The following FARS2 variants were observed in gnomAD, a reference collection of about 807,000 sequenced individuals.
FARS2 encodes the protein phenylalanyl-tRNA synthetase 2, mitochondrial.
FARS2 carries 40 observed loss-of-function variants against 46.4 expected under a neutral mutation model. That is an observed-to-expected ratio of 0.86 (90% CI 0.67 to 1.12). FARS2 has a LOEUF of 1.12. FARS2 is among the 50% of genes most tolerant of loss of function. The pLI, the probability that FARS2 is intolerant of heterozygous loss-of-function variation, is 0.00. For synonymous variants in FARS2, 234 were observed against 214.9 expected (o/e 1.09, Z -0.78); for missense variants, 513 against 567.9 (o/e 0.90, Z 0.98).
chr6:5,629,019 G>T (rs1347188607), intron 6 of FARS2, among the ~76,000 whole-genome samples: 1 of 152,180 alleles, frequency 6.6e-6, no homozygotes, highest in African/African-American at 2.4e-5. Context: ...GACCATTTCA[G>T]TATGAACTGA....
At chr6:5,612,811 G>A (rs887856586) in intron 5 of FARS2, among the ~76,000 whole-genome samples, 1 of 152,090 alleles carries the variant, frequency 6.6e-6, no homozygotes, top group Non-Finnish European at 1.5e-5. Context: ...ATCACAAGAA[G>A]TTAATGAATT....
At chr6:5,558,596 G>T (rs750557969) in intron 5 of FARS2, among the ~76,000 whole-genome samples, 1 of 151,982 alleles carries the variant, frequency 6.6e-6, no homozygotes, top group Non-Finnish European at 1.5e-5. Context: ...GAGTGCAGTG[G>T]CATGATCTCG....
In FARS2 at chr6:5,510,411, G is replaced by A. The variant is rs966140701; in HGVS notation, c.905-34769G>A. Among the ~76,000 whole-genome samples the A allele has an allele frequency of 3.3e-5, 5 of 149,720 alleles. No homozygotes were observed. In the South Asian group the frequency reaches 1.1e-3, roughly 32 times the overall value. ...ACCCCAACAGAACTGCGGAGCTGAAGCAGCCTCTCCCCTTCAGACCTCAGA... is the reference window on the plus strand; with the variant it reads ...ACCCCAACAGAACTGCGGAGCTGAAACAGCCTCTCCCCTTCAGACCTCAGA... On this transcript the variant is annotated intron_variant, in intron 4 of 6. Coordinates refer to ENST00000274680, the MANE Select transcript of FARS2 (RefSeq NM_006567.5).
At chr6:5,759,171 A>T (rs1435297480) in intron 6 of FARS2, among the ~76,000 whole-genome samples, 1 of 152,124 alleles carries the variant, frequency 6.6e-6, no homozygotes, top group African/African-American at 2.4e-5. Flanking sequence ...CAGGGCCTTG[A>T]TATGTGCCAT....
chr6:5,489,263 G>T (rs1353897370), intron 4 of FARS2, among the ~76,000 whole-genome samples: 1 of 152,050 alleles, frequency 6.6e-6, no homozygotes, highest in Non-Finnish European at 1.5e-5. Flanking sequence ...AGACTAGCAT[G>T]GCCAACATAG....
upstream of FARS2, among the ~76,000 whole-genome samples, chr6:5,258,474 G>A (rs775504953): frequency 1.3e-5 from 2 of 152,200 alleles, no homozygotes; most frequent in African/African-American, 2.4e-5. Context: ...ACATAAGATA[G>A]CAGTGGCACA....
chr6:5,695,450 TA>T (rs1440936463), intron 6 of FARS2, among the ~76,000 whole-genome samples: 1 of 152,262 alleles, frequency 6.6e-6, no homozygotes, highest in Non-Finnish European at 1.5e-5. Flanking sequence ...TGATGGTGTT[TA>T]AAATCTCAGG....
intron 6 of FARS2, among the ~76,000 whole-genome samples, chr6:5,691,705 C>G (rs1295388245): frequency 6.6e-6 from 1 of 152,224 alleles, no homozygotes; most frequent in African/African-American, 2.4e-5. Context: ...AACCACTGCT[C>G]TCTTCAAAGC....
chr6:5,390,049 A>G (rs1260956757), intron 2 of FARS2, among the ~76,000 whole-genome samples: 1 of 152,068 alleles, frequency 6.6e-6, no homozygotes, highest in Non-Finnish European at 1.5e-5. Flanking sequence ...TTTTTAGTGG[A>G]GATGGGGTTT....
At chr6:5,698,746 G>A (rs1758249120) in intron 6 of FARS2, among the ~76,000 whole-genome samples, 1 of 152,132 alleles carries the variant, frequency 6.6e-6, no homozygotes, top group Non-Finnish European at 1.5e-5. Flanking sequence ...AGTCAGGATC[G>A]CCCAGGCTTG....
intron 6 of FARS2, among the ~76,000 whole-genome samples, chr6:5,696,508 G>A (rs1758112815): frequency 6.6e-6 from 1 of 152,010 alleles, no homozygotes; most frequent in Non-Finnish European, 1.5e-5. Flanking sequence ...CAATAGGTAT[G>A]GCCCCTCAAG....
intron 2 of FARS2, among the ~76,000 whole-genome samples, chr6:5,395,095 G>A (rs1379772751): frequency 6.6e-6 from 1 of 152,176 alleles, no homozygotes; most frequent in Non-Finnish European, 1.5e-5. Flanking sequence ...CTGTCACCCA[G>A]GCTGGAGTGC....
chr6:5,383,284 TATAAGA>T (rs1468848269), intron 2 of FARS2, among the ~76,000 whole-genome samples: 1 of 152,210 alleles, frequency 6.6e-6, no homozygotes, highest in East Asian at 1.9e-4. Flanking sequence ...TACATAAAAG[TATAAGA>T]ATAAGGAATT....
At chr6:5,535,250 TG>T (rs1277948047) in intron 4 of FARS2, among the ~76,000 whole-genome samples, 1 of 152,248 alleles carries the variant, frequency 6.6e-6, no homozygotes, top group African/African-American at 2.4e-5. Context: ...ACTTTATTTT[TG>T]ATGCTTTTGT....
At chr6:5,609,728 T>C (rs1342315621) in intron 5 of FARS2, 13 of 1,505,040 alleles carry the variant, frequency 8.6e-6, no homozygotes, top group East Asian at 4.5e-5. Context: ...GTCATGGTCG[T>C]CAAAAGTTAC....
intron 3 of FARS2, 52 bp from the exon 4 acceptor site, chr6:5,430,989 A>G (rs924197691): frequency 6.4e-7 from 1 of 1,574,000 alleles, no homozygotes; most frequent in African/African-American, 1.3e-5. Flanking sequence ...ATCACAAGAA[A>G]GGGCAGACAG....
At chr6:5,369,977 A>G (rs547791660) in intron 2 of FARS2, among the ~76,000 whole-genome samples, 15 of 152,034 alleles carry the variant, frequency 9.9e-5, no homozygotes, top group African/African-American at 3.6e-4. Flanking sequence ...TTTAAAAACC[A>G]TCTCTGTTTT....
chr6:5,439,885 C>T (rs1432490082), intron 4 of FARS2, among the ~76,000 whole-genome samples: 1 of 152,166 alleles, frequency 6.6e-6, no homozygotes, highest in Non-Finnish European at 1.5e-5. Context: ...TTCCTCTCTT[C>T]CTTTAAGTCA....
chr6:5,422,668 A>C (rs1359182008), intron 3 of FARS2, among the ~76,000 whole-genome samples: 1 of 152,248 alleles, frequency 6.6e-6, no homozygotes, highest in Non-Finnish European at 1.5e-5. Context: ...TGTATATGCC[A>C]GCCTCACATC....
Sources: gnomAD v4.1 joint callset for allele counts (sites outside exome capture counted in the v4.1 genomes callset) on GRCh38, gnomAD v4.1.1 for gene constraint, MANE v1.5 for transcripts, NCBI Gene and HGNC (gene_info 2026-07-23, HGNC 2026-07-21) for gene names.